UBE2E2: variants seen among roughly 807,000 people sequenced by gnomAD.
UBE2E2 encodes ubiquitin-conjugating enzyme E2 E2.
A neutral mutation model predicts 24.7 loss-of-function variants in UBE2E2; 6 were observed. That is an observed-to-expected ratio of 0.24 (90% confidence interval 0.13 to 0.48). The LOEUF is 0.48. Ranked by LOEUF, UBE2E2 falls within the 20% of genes least tolerant of loss-of-function variation. UBE2E2 has a pLI of 0.99. For missense variants in UBE2E2, 169 were observed against 245.0 expected (o/e 0.69, Z 2.07); for synonymous variants, 104 against 83.6 (o/e 1.24, Z -1.33).
intron 3 of UBE2E2, among the ~76,000 whole-genome samples, chr3:23,489,451 A>G (rs1342389228): frequency 4.6e-5 from 7 of 152,098 alleles, no homozygotes; most frequent in East Asian, 1.9e-4. Flanking sequence ...GTGAGAATCT[A>G]TTGCCACCGC....
At chr3:23,242,039 A>G (rs962727614) in intron 3 of UBE2E2, among the ~76,000 whole-genome samples, 19 of 152,250 alleles carry the variant, frequency 1.2e-4, no homozygotes, top group African/African-American at 4.6e-4. Context: ...CCTCTCAAGT[A>G]GCTGAGACTA....
intron 3 of UBE2E2, chr3:23,270,826 G>C: frequency 2.3e-6 from 1 of 439,450 alleles, no homozygotes; most frequent in Non-Finnish European, 4.6e-6. Flanking sequence ...CACTCTCTTA[G>C]GTGTGCAATT....
intron 3 of UBE2E2, among the ~76,000 whole-genome samples, chr3:23,275,278 G>A (rs1186994098): frequency 1.3e-5 from 2 of 152,226 alleles, no homozygotes; most frequent in Non-Finnish European, 2.9e-5. Context: ...CATCTCGGTA[G>A]CCTAGGTGGA....
rs970358644 is a variant in UBE2E2, at chr3:23,589,247, A to G, written c.509-487A>G. ...CCTGGACAACATAGTGAGACCCCCA[A>G]AATTACAAAAAAAAATTTGAAAATT... On this transcript the variant is annotated intron_variant, in intron 5 of 5. Transcript: ENST00000396703. The surrounding 1 kb of genome is among the most constrained non-coding windows in gnomAD (Gnocchi z 4.1). Among the ~76,000 whole-genome samples the G allele has an allele frequency of 6.6e-6, 1 of 151,682 alleles. No individual in the cohort carries two copies. The highest frequency in any genetic ancestry group is 6.6e-5 in the Admixed American group (1 of 15,220).
chr3:23,560,832 T>G (rs1695910331), intron 5 of UBE2E2, among the ~76,000 whole-genome samples: 2 of 152,240 alleles, frequency 1.3e-5, no homozygotes, highest in South Asian at 2.1e-4. Context: ...GATGAGCATT[T>G]TTTTCATGTG....
At chr3:23,312,346 G>A (rs890635786) in intron 3 of UBE2E2, among the ~76,000 whole-genome samples, 6 of 151,954 alleles carry the variant, frequency 3.9e-5, no homozygotes, top group Non-Finnish European at 2.9e-5. Context: ...ATCATATCAG[G>A]GTAAATGTAT....
rs564899972 is a variant in UBE2E2, at chr3:23,239,699, T to G, written c.227+22387T>G. Reference sequence around the variant, plus strand: ...AGATGAGATCAGATGAAGTTCAGATTTAGCAAACATTGAGTATTACATAAG... The same window carrying G: ...AGATGAGATCAGATGAAGTTCAGATGTAGCAAACATTGAGTATTACATAAG... On this transcript the variant is annotated intron_variant, in intron 3 of 5. Coordinates refer to ENST00000396703, the MANE Select transcript of UBE2E2 (RefSeq NM_152653.4). Among the ~76,000 whole-genome samples, 11 of 152,294 alleles carry G rather than the reference T, an allele frequency of 7.2e-5. No individual in the cohort carries two copies. The South Asian group carries it at 1.9e-3, about 26-fold the overall frequency.
Position 23,451,062 on chromosome 3 carries a change from T to C in UBE2E2, c.228-48546T>C, listed in dbSNP as rs1698550804. On this transcript the variant is annotated intron_variant, in intron 3 of 5. Coordinates refer to ENST00000396703, the MANE Select transcript of UBE2E2 (RefSeq NM_152653.4). ...GAAGATTTGGGAACTTTTTGTACTA[T>C]CTTTGCAATTTTTCTGTAAATCTGC... Among the ~76,000 whole-genome samples, 3 of 152,224 alleles carry C rather than the reference T, an allele frequency of 2.0e-5. No individual in the cohort carries two copies. The South Asian group carries it at 6.2e-4, about 32-fold the overall frequency.
chr3:23,586,986 G>T (rs1390339498), intron 5 of UBE2E2, among the ~76,000 whole-genome samples: 1 of 151,568 alleles, frequency 6.6e-6, no homozygotes, highest in Non-Finnish European at 1.5e-5. Flanking sequence ...TTCTTTGCGT[G>T]GATTTATACA....
intron 3 of UBE2E2, among the ~76,000 whole-genome samples, chr3:23,352,497 A>G (rs1479701826): frequency 2.0e-5 from 3 of 152,290 alleles, no homozygotes; most frequent in Middle Eastern, 3.4e-3. Flanking sequence ...CAAGACTAAT[A>G]AAGAAGAAAA....
chr3:23,467,457 C>T (rs561604665), intron 3 of UBE2E2, among the ~76,000 whole-genome samples: 1 of 152,300 alleles, frequency 6.6e-6, no homozygotes, highest in African/African-American at 2.4e-5. Context: ...TCTCACTGCT[C>T]TATGACTTTG....
At chr3:23,318,829 A>G (rs1228886924) in intron 3 of UBE2E2, among the ~76,000 whole-genome samples, 3 of 152,216 alleles carry the variant, frequency 2.0e-5, no homozygotes, top group African/African-American at 7.2e-5. Flanking sequence ...AAACCATATC[A>G]AACACTTCCC....
intron 5 of UBE2E2, among the ~76,000 whole-genome samples, chr3:23,588,427 T>C (rs1278761177): frequency 1.4e-5 from 1 of 72,030 alleles, no homozygotes; most frequent in East Asian, 7.9e-4. Context: ...TTTTTTTGTC[T>C]TTTTTTTTAA....
intron 1 of UBE2E2, among the ~76,000 whole-genome samples, chr3:23,207,766 G>T (rs985167521): frequency 6.6e-6 from 1 of 152,194 alleles, no homozygotes; most frequent in Non-Finnish European, 1.5e-5. Flanking sequence ...GCTTAGCACA[G>T]CGCCTGGTAG....
chr3:23,472,710 G>A (rs1016157117), intron 3 of UBE2E2, among the ~76,000 whole-genome samples: 1 of 149,950 alleles, frequency 6.7e-6, no homozygotes, highest in Non-Finnish European at 1.5e-5. Context: ...GTGCAGTGCC[G>A]TGATCACAGC....
intron 5 of UBE2E2, among the ~76,000 whole-genome samples, chr3:23,561,513 C>T (rs1286584718): frequency 6.6e-6 from 1 of 152,080 alleles, no homozygotes; most frequent in South Asian, 2.1e-4. Context: ...TGTGATGCCT[C>T]CAGCTTTGTT....
chr3:23,542,084 A>T (rs752106782), intron 5 of UBE2E2, among the ~76,000 whole-genome samples: 2 of 152,226 alleles, frequency 1.3e-5, no homozygotes, highest in Non-Finnish European at 2.9e-5. Context: ...TCTAGAAAAG[A>T]GTTCAGCTTA....
chr3:23,556,609 C>T (rs1695794355), intron 5 of UBE2E2, among the ~76,000 whole-genome samples: 1 of 152,002 alleles, frequency 6.6e-6, no homozygotes, highest in Non-Finnish European at 1.5e-5. Flanking sequence ...TTTGTTAAGT[C>T]CTCCAAAACC....
chr3:23,414,520 A>G (rs1467039649), intron 3 of UBE2E2, among the ~76,000 whole-genome samples: 1 of 152,228 alleles, frequency 6.6e-6, no homozygotes, highest in Non-Finnish European at 1.5e-5. Context: ...TGGGGATTAC[A>G]GTTGAACATG....
Sources: gnomAD v4.1 joint callset for allele counts (sites outside exome capture counted in the v4.1 genomes callset) on GRCh38, gnomAD v4.1.1 for gene constraint, Gnocchi (gnomAD v3.1) non-coding constraint, MANE v1.5 for transcripts, NCBI Gene and HGNC (gene_info 2026-07-23, HGNC 2026-07-21) for gene names.